The following TIAM2 variants were observed in gnomAD, a reference collection of about 807,000 sequenced individuals.
TIAM2 encodes the protein TIAM Rac1 associated GEF 2, also known as rho guanine nucleotide exchange factor TIAM2.
In TIAM2, 80 loss-of-function variants were observed where a neutral mutation model predicts 152.9. The observed-to-expected ratio is 0.52, with a 90% CI of 0.44 to 0.63. TIAM2 has a LOEUF of 0.63. Ranked by LOEUF, TIAM2 falls within the 30% of genes least tolerant of loss-of-function variation. The probability of loss-of-function intolerance (pLI) is 0.00; values close to 1 mark genes in which losing one functional copy is unlikely to be tolerated. For missense variants in TIAM2, 1,965 were observed against 2,120.1 expected (o/e 0.93, Z 1.44); for synonymous variants, 804 against 838.0 (o/e 0.96, Z 0.70).
chr6:155,049,298 G>A (rs1051694503), intron 1 of TIAM2, among the ~76,000 whole-genome samples: 2 of 152,142 alleles, frequency 1.3e-5, no homozygotes, highest in African/African-American at 4.8e-5. Context: ...GGGTGAGAGG[G>A]TTCGACGGTT....
At chr6:155,249,250 A>G (rs1035876705) in intron 20 of TIAM2, among the ~76,000 whole-genome samples, 3 of 152,238 alleles carry the variant, frequency 2.0e-5, no homozygotes, top group African/African-American at 7.2e-5. Context: ...TCCCTCGCGG[A>G]AAGTTATGAA....
chr6:155,126,608 G>C (rs1779304064), intron 2 of TIAM2, among the ~76,000 whole-genome samples: 2 of 152,122 alleles, frequency 1.3e-5, no homozygotes, highest in South Asian at 4.1e-4. Context: ...GTGCGTGCCT[G>C]TAATCCCAGT....
intron 1 of TIAM2, among the ~76,000 whole-genome samples, chr6:155,076,249 T>C (rs1777957538): frequency 6.6e-6 from 1 of 152,114 alleles, no homozygotes; most frequent in Non-Finnish European, 1.5e-5. Context: ...TTCAGGGACC[T>C]GACATCTCGG....
intron 1 of TIAM2, among the ~76,000 whole-genome samples, chr6:154,999,201 A>AAATTAATT (rs71021101): frequency 0.22 from 33,498 of 149,698 alleles, 4,198 homozygotes; most frequent in South Asian, 0.38. Context: ...TGCTATAGGA[A>AAATTAATT]AATTAATTAA....
intron 1 of TIAM2, among the ~76,000 whole-genome samples, chr6:154,997,957 G>T (rs771189168): frequency 6.6e-6 from 1 of 152,024 alleles, no homozygotes; most frequent in South Asian, 2.1e-4. Context: ...TACTTCTCAC[G>T]AACTCTAGAA....
At chr6:155,023,874 G>A (rs1776545940) in intron 1 of TIAM2, among the ~76,000 whole-genome samples, 1 of 152,172 alleles carries the variant, frequency 6.6e-6, no homozygotes, top group South Asian at 2.1e-4. Flanking sequence ...ACTCGTCTTT[G>A]CCTGCAAGAT....
intron 9 of TIAM2, 85 bp from the exon 10 acceptor site, chr6:155,176,731 C>T (rs1446442789): frequency 1.5e-5 from 21 of 1,445,620 alleles, no homozygotes; most frequent in East Asian, 4.6e-5. Flanking sequence ...CTAAATACTC[C>T]GTAAATGAAC....
intron 2 of TIAM2, among the ~76,000 whole-genome samples, chr6:155,098,933 A>G (rs1778483140): frequency 6.6e-6 from 1 of 152,222 alleles, no homozygotes; most frequent in South Asian, 2.1e-4. Flanking sequence ...CACGCCTGTA[A>G]TCCCAGCACT....
At chr6:155,207,082 G>A (rs1327305436) in intron 14 of TIAM2, among the ~76,000 whole-genome samples, 2 of 152,134 alleles carry the variant, frequency 1.3e-5, no homozygotes, top group African/African-American at 4.8e-5. Flanking sequence ...CGCCTGGGAG[G>A]GGCAGGATAT....
intron 1 of TIAM2, among the ~76,000 whole-genome samples, chr6:155,042,959 A>G (rs371692519): frequency 2.5e-4 from 38 of 152,184 alleles, no homozygotes; most frequent in African/African-American, 7.2e-4. Context: ...ATATAATAGT[A>G]GTAGTAATCG....
intron 1 of TIAM2, among the ~76,000 whole-genome samples, chr6:155,048,088 G>C (rs1777242731): frequency 1.3e-5 from 2 of 152,070 alleles, no homozygotes. Context: ...AAGTAGCTGG[G>C]ACTACAGGCA....
chr6:155,088,807 A>AT (rs1211884133), intron 1 of TIAM2, among the ~76,000 whole-genome samples: 98 of 152,108 alleles, frequency 6.4e-4, no homozygotes, highest in African/African-American at 2.2e-3. Context: ...CTTTTTTGCA[A>AT]TTTTTTTTAA....
intron 14 of TIAM2, among the ~76,000 whole-genome samples, chr6:155,197,987 G>A (rs1781387440): frequency 6.6e-6 from 1 of 152,164 alleles, no homozygotes; most frequent in Non-Finnish European, 1.5e-5. Context: ...CTTAAAAGGT[G>A]CAGCACAAAT....
rs576904777 is a variant in TIAM2, at chr6:155,143,712, G to GT, written c.1631-893dup. Reference sequence around the variant, plus strand: ...GAGATTCCCTAAATAATGTGGTGTTGTGCTTAAGGATGAGGGCTTTGGGGC... The same window carrying GT: ...GAGATTCCCTAAATAATGTGGTGTTGTTGCTTAAGGATGAGGGCTTTGGGGC... On this transcript the variant is annotated intron_variant, in intron 5 of 26. Coordinates refer to ENST00000682666, the MANE Select transcript of TIAM2 (RefSeq NM_012454.4). Among the ~76,000 whole-genome samples the GT allele has an allele frequency of 2.3e-3, 351 of 152,284 alleles. 1 individual carries two copies. The highest frequency in any genetic ancestry group is 4.3e-3 in the Non-Finnish European group (292 of 68,024).
chr6:155,244,207 A>T (rs1783197335), intron 17 of TIAM2, 128 bp downstream of exon 17: 2 of 908,546 alleles, frequency 2.2e-6, no homozygotes. Flanking sequence ...CGGTCTTCTG[A>T]GAGTCCCAGG....
chr6:155,106,093 C>T (rs1424557812), intron 2 of TIAM2, among the ~76,000 whole-genome samples: 1 of 151,648 alleles, frequency 6.6e-6, no homozygotes, highest in Non-Finnish European at 1.5e-5. Flanking sequence ...CAACCTCTGC[C>T]CCCTGGGTTC....
intron 1 of TIAM2, among the ~76,000 whole-genome samples, chr6:155,048,196 G>C (rs867659992): frequency 6.6e-6 from 1 of 152,104 alleles, no homozygotes; most frequent in African/African-American, 2.4e-5. Context: ...CAAGTGATCT[G>C]CCTGACTTGG....
At chr6:155,249,797 T>C in intron 20 of TIAM2, 54 bp from the exon 21 acceptor site, 2 of 1,462,120 alleles carry the variant, frequency 1.4e-6, no homozygotes, top group Non-Finnish European at 1.9e-6. Context: ...TACTGTTGGA[T>C]AGAATCTAAA....
Position 155,144,739 on chromosome 6 carries a change from CT to C in TIAM2, c.1765del (p.Cys589AlafsTer20). 1.2e-6 allele frequency: 2 copies of C among 1,610,570 alleles called. No individual in the cohort carries two copies. The highest frequency in any genetic ancestry group is 1.7e-6 in the Non-Finnish European group (2 of 1,178,850). ...AGCATCCCAAGAAAGAAAATGTGTT[CT>C]GCCTCAGCAACTCCTTTGGAGATGT... Reference protein sequence around the residue: ...PEHPKKENVFCLSNSFGDVYL... With the variant: ...PEHPKKENVFXLSNSFGDVYL... On this transcript the variant is annotated frameshift_variant, in exon 6 of 27. Coordinates refer to ENST00000682666, the MANE Select transcript of TIAM2 (RefSeq NM_012454.4). LOFTEE classifies it high-confidence loss of function.
Sources: allele counts gnomAD v4.1 joint callset (sites outside exome capture counted in the v4.1 genomes callset), GRCh38; gene constraint gnomAD v4.1.1; transcripts MANE v1.5; gene names NCBI Gene and HGNC (gene_info 2026-07-23, HGNC 2026-07-21).